Variants in CCDC9 observed in about 807,000 individuals in gnomAD.
The protein encoded by CCDC9 is coiled-coil domain-containing protein 9.
CCDC9 carries 52 observed loss-of-function variants against 65.6 expected under a neutral mutation model. The ratio of observed to expected loss-of-function variants is 0.79; its 90% CI spans 0.63 to 1.00. CCDC9 has a LOEUF of 1.00. Among genes scored for constraint, CCDC9 ranks in the 50% least tolerant of loss-of-function variants. CCDC9 has a pLI of 0.00. For synonymous variants in CCDC9, 332 were observed against 280.3 expected (o/e 1.18, Z -1.84); for missense variants, 834 against 757.2 (o/e 1.10, Z -1.19).
downstream of CCDC9, among the ~76,000 whole-genome samples, chr19:47,272,866 G>T (rs1322622992): frequency 6.6e-6 from 1 of 152,170 alleles, no homozygotes; most frequent in East Asian, 1.9e-4. Flanking sequence ...ACACTCCGTA[G>T]GAGTAAGATT....
intron 8 of CCDC9, among the ~76,000 whole-genome samples, chr19:47,269,902 A>G (rs901628464): frequency 2.6e-5 from 4 of 151,652 alleles, no homozygotes; most frequent in East Asian, 1.9e-4. Flanking sequence ...TGGCGCCCAC[A>G]TTCTGAATCT....
At chr19:47,273,795 G>C (rs909961140), downstream of CCDC9, 22 of 284,114 alleles carry the variant, frequency 7.7e-5, no homozygotes, top group Non-Finnish European at 1.1e-4. Context: ...TGAATTACTC[G>C]GGCGCCAGCC....
At chr19:47,266,817 C>T (rs2059085518) in intron 8 of CCDC9, 25 bp downstream of exon 8, 3 of 1,588,114 alleles carry the variant, frequency 1.9e-6, no homozygotes, top group South Asian at 1.1e-5. Flanking sequence ...CGCTCCTCTC[C>T]CCATGTGGCA....
chr19:47,261,705 CTG>C (rs2059046863), intron 5 of CCDC9, among the ~76,000 whole-genome samples: 1 of 87,758 alleles, frequency 1.1e-5, no homozygotes, highest in Non-Finnish European at 2.1e-5. Context: ...GAATGAGACT[CTG>C]TATCAAAAAA....
chr19:47,261,919 G>A (rs1377476173), intron 5 of CCDC9, among the ~76,000 whole-genome samples: 1 of 151,648 alleles, frequency 6.6e-6, no homozygotes, highest in Non-Finnish European at 1.5e-5. Context: ...TACTCGGGAG[G>A]CTGAGGCAGA....
chr19:47,270,206 C>T (rs1169717446), intron 8 of CCDC9, among the ~76,000 whole-genome samples: 2 of 151,892 alleles, frequency 1.3e-5, no homozygotes, highest in African/African-American at 2.4e-5. Flanking sequence ...TGGGCTCAAG[C>T]GATCTGTCTG....
chr19:47,273,303 G>C (rs544198276), downstream of CCDC9: 40 of 1,091,566 alleles, frequency 3.7e-5, 1 homozygote, highest in East Asian at 9.0e-4. Flanking sequence ...GCTGGGCCGG[G>C]GGGGAGGTGG....
chr19:47,260,607 C>A lies in CCDC9; in HGVS notation c.230C>A (p.Ser77Tyr). Residue 77 changes from serine (S) to tyrosine (Y), a missense_variant, in exon 5 of 12, where the codon TCC (serine) becomes TAC (tyrosine). Ser to Tyr is a moderately radical substitution (Grantham distance 144, BLOSUM62 -2). Coordinates refer to ENST00000221922, the MANE Select transcript of CCDC9 (RefSeq NM_015603.3). The stretch of plus-strand genomic sequence containing the variant: ...TTCCAGGAGAAGAACCTGGGTCCTT[C>A]CCGGAGGTCTCCTGGGACCCCTCGG... ...AVESEKNLGP[S>Y]RRSPGTPRPP... The A allele has an allele frequency of 2.0e-6, 3 of 1,527,776 alleles. No homozygotes were observed. The highest frequency in any genetic ancestry group is 2.2e-4 in the Middle Eastern group (1 of 4,504). The allele number at this position is 1,527,776 out of a possible 1,614,324, so 94.6% of individuals were successfully genotyped here.
intron 3 of CCDC9, among the ~76,000 whole-genome samples, chr19:47,259,461 T>C (rs889971305): frequency 3.3e-5 from 5 of 151,708 alleles, no homozygotes; most frequent in African/African-American, 1.2e-4. Flanking sequence ...GGAACCCTAG[T>C]GGGAGAGGAG....
rs1206792487 is a variant in CCDC9, at chr19:47,264,474, A to G, written c.463-129A>G. ...CACTGCTGACCTGGAGCACGCTGAG[A>G]GCAAATGGTCAGATGCCAGCAGGCC... On this transcript the variant is annotated intron_variant, in intron 5 of 11. Transcript: ENST00000221922. The G allele has an allele frequency of 7.2e-6, 6 of 832,782 alleles. No individual in the cohort carries two copies. In the East Asian group the frequency reaches 1.6e-4, roughly 22 times the overall value. 51.6% of individuals were successfully genotyped at this position (832,782 alleles called of 1,614,324 possible). A position where few individuals can be genotyped will look rare whatever the true frequency, so the allele number is the denominator to read the frequency against.
At chr19:47,275,205 C>T, downstream of CCDC9, 5 of 1,522,670 alleles carry the variant, frequency 3.3e-6, no homozygotes, top group South Asian at 1.2e-5. Flanking sequence ...CCTCTCCTGC[C>T]TCCTGGGAGT....
intron 5 of CCDC9, among the ~76,000 whole-genome samples, 193 bp downstream of exon 5, chr19:47,261,032 CCT>C (rs1209418293): frequency 6.6e-6 from 1 of 151,930 alleles, no homozygotes; most frequent in Admixed American, 6.6e-5. Flanking sequence ...TCTAGTTCCC[CCT>C]GTTCCTTCCC....
intron 7 of CCDC9, among the ~76,000 whole-genome samples, chr19:47,265,268 T>C (rs2059074156): frequency 6.6e-6 from 1 of 152,164 alleles, no homozygotes. Context: ...TTGGCCAGGC[T>C]AGTCTTGAAC....
intron 5 of CCDC9, among the ~76,000 whole-genome samples, chr19:47,263,037 G>T (rs1362046373): frequency 8.1e-6 from 1 of 123,244 alleles, no homozygotes; most frequent in African/African-American, 2.9e-5. Flanking sequence ...GGTCAAGGAT[G>T]CAGTGAGCTG....
chr19:47,274,788 C>A (rs2059145635), downstream of CCDC9: 1 of 439,472 alleles, frequency 2.3e-6, no homozygotes, highest in Non-Finnish European at 2.8e-6. Context: ...CGCGTGGGGG[C>A]GTGACCATGC....
At chr19:47,258,497 G>A in intron 2 of CCDC9, 62 bp from the exon 3 acceptor site, 1 of 1,604,606 alleles carries the variant, frequency 6.2e-7, no homozygotes, top group Non-Finnish European at 8.5e-7. Flanking sequence ...AGACCCTGGG[G>A]GAAAGTCCCT....
intron 2 of CCDC9, 58 bp from the exon 3 acceptor site, chr19:47,258,501 A>C: frequency 6.2e-7 from 1 of 1,604,220 alleles, no homozygotes; most frequent in East Asian, 2.2e-5. Flanking sequence ...CCTGGGGGAA[A>C]GTCCCTGGTA....
At chr19:47,275,172 G>T, downstream of CCDC9, 1 of 1,467,446 alleles carries the variant, frequency 6.8e-7, no homozygotes, top group Non-Finnish European at 9.0e-7. Flanking sequence ...CGTGCCGCCT[G>T]TCCCGGCGCC....
chr19:47,270,366 T>C (rs1355660252), intron 8 of CCDC9, 41 bp from the exon 9 acceptor site: 1 of 1,605,470 alleles, frequency 6.2e-7, no homozygotes, highest in Non-Finnish European at 8.5e-7. Flanking sequence ...CTTGTTACCC[T>C]GTTCCCCCAG....
Sources: allele counts gnomAD v4.1 joint callset (sites outside exome capture counted in the v4.1 genomes callset), GRCh38; gene constraint gnomAD v4.1.1; transcripts MANE v1.5; gene names NCBI Gene and HGNC (gene_info 2026-07-23, HGNC 2026-07-21).